The following PRR11 variants were observed in gnomAD, a reference collection of about 807,000 sequenced individuals.
PRR11 encodes the protein proline-rich protein 11.
Under a neutral mutation model 45.6 loss-of-function variants are expected in PRR11, and 30 were observed. The observed-to-expected ratio is 0.66, with a 90% CI of 0.49 to 0.89. The LOEUF is 0.89. Among genes scored for constraint, PRR11 ranks in the 40% least tolerant of loss-of-function variants. The probability of loss-of-function intolerance (pLI) is 0.00; values close to 1 mark genes in which losing one functional copy is unlikely to be tolerated. For missense variants in PRR11, 373 were observed against 424.8 expected, an observed-to-expected ratio of 0.88 and a Z score of 1.07; for synonymous variants, 128 against 153.5, an observed-to-expected ratio of 0.83 and a Z score of 1.23.
chr17:59,168,259 C>T (rs965978424), intron 1 of PRR11, among the ~76,000 whole-genome samples: 1 of 151,612 alleles, frequency 6.6e-6, no homozygotes, highest in African/African-American at 2.4e-5. Context: ...ACCTCTGCCT[C>T]CTGGGTTCAA....
At chr17:59,182,094 C>T (rs189749224) in intron 2 of PRR11, among the ~76,000 whole-genome samples, 57 of 150,754 alleles carry the variant, frequency 3.8e-4, no homozygotes, top group African/African-American at 1.4e-3. Context: ...GTGGTGCAAT[C>T]TCAGTTCACT....
At chr17:59,185,653 C>A (rs1460357526) in intron 4 of PRR11, 91 bp downstream of exon 4, 5 of 1,175,624 alleles carry the variant, frequency 4.3e-6, no homozygotes, top group Non-Finnish European at 6.0e-6. Flanking sequence ...ATGCTCAAGT[C>A]ATAAGATTTA....
intron 1 of PRR11, among the ~76,000 whole-genome samples, chr17:59,164,880 A>G (rs2046671587): frequency 6.8e-6 from 1 of 147,602 alleles, no homozygotes; most frequent in Non-Finnish European, 1.5e-5. Context: ...CCGTGTCTCA[A>G]AAAAAAAAAA....
intron 1 of PRR11, among the ~76,000 whole-genome samples, chr17:59,159,665 A>G (rs559084917): frequency 1.3e-5 from 2 of 152,284 alleles, no homozygotes; most frequent in Admixed American, 1.3e-4. Flanking sequence ...TTGCCCCCTG[A>G]CAAAACTTTA....
rs761856388 is a variant in PRR11 at position 59,185,556 on chromosome 17, A to G, written c.396A>G (p.Ala132=). 6.2e-7 allele frequency: 1 copy of G among 1,602,088 alleles called. No homozygotes were observed. The highest frequency in any genetic ancestry group is 8.5e-7 in the Non-Finnish European group (1 of 1,176,356). The part of the protein sequence containing the change: ...LESKLCKLQE[A]LKTISESSSC... ...GTAAATTATGCAAGCTCCAGGAAGC[A>G]CTGAAGGTTGGTATTGTCAAATAAA... The change falls in exon 4 of 10, where the codon GCA becomes GCG. Residue 132 remains alanine (A), a synonymous_variant. Coordinates refer to ENST00000262293, the MANE Select transcript of PRR11 (RefSeq NM_018304.4).
intron 2 of PRR11, among the ~76,000 whole-genome samples, chr17:59,176,672 T>G (rs1341918714): frequency 6.8e-6 from 1 of 148,024 alleles, no homozygotes; most frequent in African/African-American, 2.5e-5. Flanking sequence ...CGTTGGAATT[T>G]GGTTTTTTTG....
intron 9 of PRR11, among the ~76,000 whole-genome samples, chr17:59,200,937 T>G (rs986572811): frequency 2.0e-5 from 3 of 152,044 alleles, no homozygotes; most frequent in Non-Finnish European, 4.4e-5. Flanking sequence ...CAACTATCTT[T>G]TTTTTTTTTA....
chr17:59,177,314 G>A, intron 2 of PRR11: 4 of 541,576 alleles, frequency 7.4e-6, no homozygotes, highest in South Asian at 5.5e-5. Context: ...GGAAGATCGT[G>A]GAGACAGTGG....
chr17:59,159,195 G>A (rs1297448409), intron 1 of PRR11, among the ~76,000 whole-genome samples: 5 of 151,946 alleles, frequency 3.3e-5, no homozygotes, highest in Non-Finnish European at 7.4e-5. Flanking sequence ...CACCTTCCTG[G>A]CCATGCCTTT....
Position 59,190,973 on chromosome 17 carries a change from G to A in PRR11, c.403-2519G>A, listed in dbSNP as rs150664088. 9.6e-3 allele frequency among the ~76,000 whole-genome samples: 1,465 copies of A among 152,328 alleles called. 19 individuals carry two copies. Among genetic ancestry groups the A allele is most frequent in the South Asian group, 0.027 (128 of 4,828 alleles). On this transcript the variant is annotated intron_variant, in intron 4 of 9. Transcript: ENST00000262293. ...TGGGCCTGTTTGCCCCACTTCAGAAGCTCTGCTCTGTATTGCTGGGAGGGC... is the reference window on the plus strand; with the variant it reads ...TGGGCCTGTTTGCCCCACTTCAGAAACTCTGCTCTGTATTGCTGGGAGGGC...
chr17:59,161,839 G>T (rs139064916), intron 1 of PRR11, among the ~76,000 whole-genome samples: 128 of 152,274 alleles, frequency 8.4e-4, no homozygotes, highest in African/African-American at 3.0e-3. Context: ...CCAGCAAAAA[G>T]AATTTGTAGG....
At chr17:59,192,670 T>G (rs1178777248) in intron 4 of PRR11, among the ~76,000 whole-genome samples, 1 of 152,110 alleles carries the variant, frequency 6.6e-6, no homozygotes, top group East Asian at 1.9e-4. Flanking sequence ...CATGTCCAAT[T>G]TCCTCTTACT....
intron 2 of PRR11, among the ~76,000 whole-genome samples, chr17:59,180,127 CTTTTTTTTT>C (rs564643757): frequency 4.4e-5 from 5 of 114,942 alleles, no homozygotes; most frequent in African/African-American, 7.2e-5. Flanking sequence ...TGAGTCTCTC[CTTTTTTTTT>C]TTTTTTTTTT....
At chr17:59,181,811 C>T (rs573460084) in intron 2 of PRR11, 96 of 1,527,490 alleles carry the variant, frequency 6.3e-5, no homozygotes, top group South Asian at 5.2e-4. Context: ...ACCCCGACCC[C>T]GACCCCAACC....
At position 59,202,570 on chromosome 17, in the gene PRR11, TA is replaced by T. The variant is rs936946074; in HGVS notation, c.*949del. ...ATAGCAAGACCCCATCTCTAAAAAT[TA>T]AAAAAAAAATTTAAATTAGAATATC... is the stretch of plus-strand genomic sequence containing the variant. On this transcript the variant is annotated 3_prime_UTR_variant, in exon 10 of 10. Transcript: ENST00000262293. 57 of 150,370 alleles carry T rather than the reference TA, an allele frequency of 3.8e-4. No individual in the cohort carries two copies. The highest frequency in any genetic ancestry group is 1.3e-3 in the African/African-American group (53 of 41,000). 9.3% of individuals were successfully genotyped at this position (150,370 alleles called of 1,614,324 possible).
chr17:59,175,302 G>T (rs913115366), intron 2 of PRR11, among the ~76,000 whole-genome samples: 2 of 152,280 alleles, frequency 1.3e-5, no homozygotes, highest in South Asian at 2.1e-4. Context: ...GCTGAAGGGC[G>T]TCTCCCACTC....
intron 9 of PRR11, among the ~76,000 whole-genome samples, chr17:59,198,744 T>G (rs1599709208): frequency 6.8e-6 from 1 of 146,852 alleles, no homozygotes; most frequent in Admixed American, 6.8e-5. Context: ...GGCTAAGGCA[T>G]GAGAATCGCT....
Position 59,197,681 on chromosome 17 carries a change from A to G in PRR11, c.918-12A>G. On this transcript the variant is annotated splice_polypyrimidine_tract_variant and intron_variant, in intron 8 of 9. Transcript: ENST00000262293. ...TAAAATACAGCTACTGTTATTTTCAATACCTTTGCAGGAGCCCAGGTGGAA... is the reference window on the plus strand; with the variant it reads ...TAAAATACAGCTACTGTTATTTTCAGTACCTTTGCAGGAGCCCAGGTGGAA... 6.2e-7 allele frequency: 1 copy of G among 1,612,836 alleles called. No individual in the cohort carries two copies. The highest frequency in any genetic ancestry group is 8.5e-7 in the Non-Finnish European group (1 of 1,178,812).
intron 7 of PRR11, among the ~76,000 whole-genome samples, chr17:59,196,502 G>A (rs1249218315): frequency 6.6e-6 from 1 of 152,030 alleles, no homozygotes; most frequent in Non-Finnish European, 1.5e-5. Context: ...TCAGCCTCCT[G>A]AGTAGCAGGG....
Sources: allele counts gnomAD v4.1 joint callset (sites outside exome capture counted in the v4.1 genomes callset), GRCh38; gene constraint gnomAD v4.1.1; transcripts MANE v1.5; gene names NCBI Gene and HGNC (gene_info 2026-07-23, HGNC 2026-07-21).